Variants in MPPED1 observed in about 807,000 individuals in gnomAD.
MPPED1 encodes the protein metallophosphoesterase domain containing 1, also known as metallophosphoesterase domain-containing protein 1.
A neutral mutation model predicts 36.2 loss-of-function variants in MPPED1; 16 were observed. That is an observed-to-expected ratio of 0.44 (90% CI 0.30 to 0.67). The LOEUF is 0.67. Ranked by LOEUF, MPPED1 falls within the 30% of genes least tolerant of loss-of-function variation. The pLI is 0.10. For missense variants in MPPED1, 307 were observed against 453.4 expected (o/e 0.68, Z 2.93); for synonymous variants, 199 against 191.3 (o/e 1.04, Z -0.33).
chr22:43,452,017 TC>T (rs898608449), intron 3 of MPPED1, among the ~76,000 whole-genome samples: 2 of 149,078 alleles, frequency 1.3e-5, no homozygotes, highest in Admixed American at 1.3e-4. Flanking sequence ...TTTCTTTTTT[TC>T]TTTCTTTTTT....
At chr22:43,465,396 G>T (rs1192300278) in intron 3 of MPPED1, among the ~76,000 whole-genome samples, 1 of 152,256 alleles carries the variant, frequency 6.6e-6, no homozygotes, top group Non-Finnish European at 1.5e-5. Flanking sequence ...AGGAGACCTT[G>T]GTTGAATCAT....
intron 3 of MPPED1, among the ~76,000 whole-genome samples, chr22:43,450,236 C>G (rs1379346899): frequency 6.6e-6 from 1 of 152,172 alleles, no homozygotes; most frequent in South Asian, 2.1e-4. Flanking sequence ...TAGTTTAATT[C>G]CTGAATGAGA....
At chr22:43,462,190 T>C (rs1274190202) in intron 3 of MPPED1, among the ~76,000 whole-genome samples, 2 of 152,226 alleles carry the variant, frequency 1.3e-5, no homozygotes, top group African/African-American at 2.4e-5. Context: ...AAGTGAAAGG[T>C]CAGGGTGGCC....
At chr22:43,500,189 GATGGAGGTGGTAATGGA>G (rs1932640664) in intron 5 of MPPED1, among the ~76,000 whole-genome samples, 1 of 73,474 alleles carries the variant, frequency 1.4e-5, no homozygotes, top group South Asian at 3.9e-4. Context: ...TGGTGATGGT[GATGGAGGTGGTAATGGA>G]GGTGGTGGGG....
intron 1 of MPPED1, among the ~76,000 whole-genome samples, chr22:43,421,584 GA>G (rs1228716450): frequency 6.6e-6 from 1 of 152,222 alleles, no homozygotes; most frequent in African/African-American, 2.4e-5. Flanking sequence ...GTAAGATGGA[GA>G]GGGGGCAGTG....
intron 4 of MPPED1, among the ~76,000 whole-genome samples, chr22:43,491,573 G>A (rs555257155): frequency 6.6e-6 from 1 of 151,640 alleles, no homozygotes; most frequent in South Asian, 2.1e-4. Flanking sequence ...TGATGGAGGT[G>A]GTGATGAAGA....
intron 6 of MPPED1, among the ~76,000 whole-genome samples, chr22:43,504,817 G>C (rs964480783): frequency 6.6e-6 from 1 of 150,614 alleles, no homozygotes; most frequent in Admixed American, 6.6e-5. Flanking sequence ...GGGGATGATG[G>C]TGGTGATGAT....
Position 43,425,198 on chromosome 22 carries a change from G to T in MPPED1, c.213G>T (p.Pro71=). The T allele has an allele frequency of 1.3e-6, 2 of 1,582,412 alleles. No individual in the cohort carries two copies. The highest frequency in any genetic ancestry group is 1.7e-6 in the Non-Finnish European group (2 of 1,160,104). Residue 71 remains proline, a synonymous_variant, in exon 2 of 7, where the codon CCG becomes CCT. Coordinates refer to ENST00000443721, the MANE Select transcript of MPPED1 (RefSeq NM_001044370.2). ...YNINQGRFQP[P]HVQMVDPVPH... is the part of the protein sequence containing the mutation. The stretch of plus-strand genomic sequence containing the variant: ...TCAACCAGGGCCGCTTCCAGCCACC[G>T]CATGTGCAGATGTAAGTGGGACCGG...
chr22:43,412,494 T>G (rs1928936713), intron 1 of MPPED1, among the ~76,000 whole-genome samples: 1 of 152,106 alleles, frequency 6.6e-6, no homozygotes, highest in Admixed American at 6.5e-5. Flanking sequence ...CCAGTGATGA[T>G]GATAGTGGTA....
At chr22:43,416,000 G>T (rs147163171) in intron 1 of MPPED1, among the ~76,000 whole-genome samples, 1 of 152,148 alleles carries the variant, frequency 6.6e-6, no homozygotes, top group African/African-American at 2.4e-5. Flanking sequence ...GCATTTTCCG[G>T]ACAGTGCTGC....
intron 4 of MPPED1, among the ~76,000 whole-genome samples, chr22:43,486,351 G>A (rs1319989169): frequency 6.6e-6 from 1 of 152,038 alleles, no homozygotes; most frequent in Non-Finnish European, 1.5e-5. Flanking sequence ...TGGCTCCCTG[G>A]AAAGCCCGGC....
rs13055711 is a variant in MPPED1, at chr22:43,459,946, C to T, written c.407-14790C>T. ...TTTTGTGGCCAGGCGTGGTGGCTTA[C>T]GCCTGTAATCCCAGCACTTTGGGAG... On this transcript the variant is annotated intron_variant, in intron 3 of 6. Transcript: ENST00000443721. Among the ~76,000 whole-genome samples the T allele has an allele frequency of 1.6e-4, 24 of 152,074 alleles. 1 individual carries two copies. Among genetic ancestry groups the T allele is most frequent in the African/African-American group, 4.6e-4 (19 of 41,518 alleles).
At chr22:43,480,231 C>A (rs900865203) in intron 4 of MPPED1, among the ~76,000 whole-genome samples, 1 of 152,150 alleles carries the variant, frequency 6.6e-6, no homozygotes, top group East Asian at 1.9e-4. Flanking sequence ...ATGGATCAAG[C>A]CTGCCTCCCA....
At chr22:43,441,797 C>G (rs1363301829) in intron 3 of MPPED1, among the ~76,000 whole-genome samples, 1 of 152,208 alleles carries the variant, frequency 6.6e-6, no homozygotes, top group East Asian at 1.9e-4. Flanking sequence ...GAATTTACGT[C>G]AAGGCAGTTT....
chr22:43,464,717 A>T (rs1931101357), intron 3 of MPPED1, among the ~76,000 whole-genome samples: 1 of 151,932 alleles, frequency 6.6e-6, no homozygotes, highest in Admixed American at 6.5e-5. Flanking sequence ...ACCCCCTGGG[A>T]CTCTGGCCAC....
rs199522201 is a variant in MPPED1 at position 43,435,001 on chromosome 22, C to T, written c.225-33C>T. On this transcript the variant is annotated intron_variant, in intron 2 of 6. Coordinates refer to ENST00000443721, the MANE Select transcript of MPPED1 (RefSeq NM_001044370.2). ...CACCCGCAGGCTCGCGGCTCCATGG[C>T]CTCCTGATCCGCAGTGTCATCTCTC... 92 of 1,602,382 alleles carry T rather than the reference C, an allele frequency of 5.7e-5. No individual in the cohort carries two copies. In the African/African-American group the frequency reaches 1.2e-3, roughly 20 times the overall value.
rs1601996955 is a variant in MPPED1 at position 43,475,915 on chromosome 22, G to A, written c.632+954G>A. Among the ~76,000 whole-genome samples the A allele has an allele frequency of 3.2e-5, 4 of 125,320 alleles. No homozygotes were observed. In the South Asian group the frequency reaches 1.1e-3, roughly 35 times the overall value. 82.2% of individuals were successfully genotyped at this position (125,320 alleles called of 152,430 possible). ...GGTGGTTATGCTGATGGTGATGATG[G>A]TGAAGATGGTGATGGTGGTATGGTG... On this transcript the variant is annotated intron_variant, in intron 4 of 6. Coordinates refer to ENST00000443721, the MANE Select transcript of MPPED1 (RefSeq NM_001044370.2).
chr22:43,505,709 C>A lies in MPPED1; in HGVS notation c.*93C>A. Reference sequence around the variant, plus strand: ...TTCCATGCTGAGTTGCCTGGACGACCCATCTGGCTGCGGGGACTGGCCTAG... The same window carrying A: ...TTCCATGCTGAGTTGCCTGGACGACACATCTGGCTGCGGGGACTGGCCTAG... On this transcript the variant is annotated 3_prime_UTR_variant, in exon 7 of 7. Transcript: ENST00000443721. 1 of 1,171,316 alleles carries A rather than the reference C, an allele frequency of 8.5e-7. No individual in the cohort carries two copies. Among genetic ancestry groups the A allele is most frequent in the Non-Finnish European group, 1.2e-6 (1 of 815,040 alleles). The allele number at this position is 1,171,316 out of a possible 1,614,324, so 72.6% of individuals were successfully genotyped here.
intron 5 of MPPED1, among the ~76,000 whole-genome samples, chr22:43,501,456 G>A (rs1310304755): frequency 6.6e-6 from 1 of 151,322 alleles, no homozygotes; most frequent in Non-Finnish European, 1.5e-5. Flanking sequence ...CTGCTCTCCA[G>A]ACGCCCCGCC....
Sources: allele counts gnomAD v4.1 joint callset (sites outside exome capture counted in the v4.1 genomes callset), GRCh38; gene constraint gnomAD v4.1.1; transcripts MANE v1.5; gene names NCBI Gene and HGNC (gene_info 2026-07-23, HGNC 2026-07-21).